WDPCP: variants seen among roughly 807,000 people sequenced by gnomAD.
The protein encoded by WDPCP is WD repeat containing planar cell polarity effector.
Under a neutral mutation model 93.1 loss-of-function variants are expected in WDPCP, and 71 were observed. That is an observed-to-expected ratio of 0.76 (90% CI 0.63 to 0.93). The LOEUF (loss-of-function observed/expected upper bound fraction) is 0.93. WDPCP is among the 40% of genes least tolerant of loss of function. WDPCP has a pLI of 0.00. For missense variants in WDPCP, 844 were observed against 887.4 expected, an observed-to-expected ratio of 0.95 and a Z score of 0.62; for synonymous variants, 315 against 315.0, an observed-to-expected ratio of 1.00 and a Z score of 0.00.
At chr2:63,666,562 G>C (rs1710285785) in intron 2 of WDPCP, among the ~76,000 whole-genome samples, 1 of 152,172 alleles carries the variant, frequency 6.6e-6, no homozygotes, top group South Asian at 2.1e-4. Flanking sequence ...CTGCAGAACT[G>C]AATTTTGTGC....
At chr2:63,586,949 T>C (rs1267124820) in intron 1 of WDPCP, among the ~76,000 whole-genome samples, 8 of 152,272 alleles carry the variant, frequency 5.3e-5, no homozygotes, top group Non-Finnish European at 8.8e-5. Context: ...TATGTACGTA[T>C]ACATGCCATG....
chr2:63,404,003 T>C (rs1558582362), intron 10 of WDPCP, 45 bp downstream of exon 10: 3 of 1,611,796 alleles, frequency 1.9e-6, no homozygotes, highest in Middle Eastern at 1.8e-4. Flanking sequence ...TATGTCACTA[T>C]CCTAAACATT....
At chr2:63,198,465 T>C (rs183734364) in intron 14 of WDPCP, among the ~76,000 whole-genome samples, 12 of 152,308 alleles carry the variant, frequency 7.9e-5, no homozygotes, top group Admixed American at 1.3e-4. Context: ...TATTTTTATA[T>C]GCATAATGTT....
chr2:63,681,146 C>T (rs1174643070), intron 2 of WDPCP, among the ~76,000 whole-genome samples: 1 of 152,090 alleles, frequency 6.6e-6, no homozygotes. Flanking sequence ...GCTCCTTCTG[C>T]TTGAGAAAAG....
chr2:63,664,612 A>G (rs1710263620), intron 2 of WDPCP, among the ~76,000 whole-genome samples: 1 of 152,198 alleles, frequency 6.6e-6, no homozygotes, highest in African/African-American at 2.4e-5. Context: ...CGTCTATTAC[A>G]GGAGGCAGAA....
chr2:63,153,723 C>T, intron 15 of WDPCP, 149 bp from the exon 16 acceptor site: 1 of 518,914 alleles, frequency 1.9e-6, no homozygotes, highest in Non-Finnish European at 3.3e-6. Context: ...AAACTTTCAA[C>T]AATATAGTAA....
intron 15 of WDPCP, among the ~76,000 whole-genome samples, chr2:63,155,906 A>G (rs1672210903): frequency 6.6e-6 from 1 of 152,226 alleles, no homozygotes; most frequent in South Asian, 2.1e-4. Flanking sequence ...TCAGAATTTT[A>G]TCAAATCTTT....
chr2:63,674,417 G>A (rs1363595127), intron 2 of WDPCP, among the ~76,000 whole-genome samples: 2 of 152,112 alleles, frequency 1.3e-5, no homozygotes, highest in Admixed American at 1.3e-4. Flanking sequence ...AAAGCTAGAG[G>A]ACATTATGCT....
intron 3 of WDPCP, among the ~76,000 whole-genome samples, chr2:63,648,701 T>C (rs1210341286): frequency 6.6e-6 from 1 of 152,202 alleles, no homozygotes; most frequent in East Asian, 1.9e-4. Flanking sequence ...CACGAATAAG[T>C]AGTTAATCTC....
chr2:63,212,446 T>C (rs527670523), intron 14 of WDPCP, among the ~76,000 whole-genome samples: 12 of 152,252 alleles, frequency 7.9e-5, no homozygotes, highest in African/African-American at 2.4e-4. Context: ...CAGGCCTGCC[T>C]TACAAGAGCT....
chr2:63,686,361 T>C (rs978875294), intron 2 of WDPCP, among the ~76,000 whole-genome samples: 2 of 152,024 alleles, frequency 1.3e-5, no homozygotes, highest in African/African-American at 4.8e-5. Flanking sequence ...ACAAATAAAA[T>C]ACCTACAAAT....
At chr2:63,807,099 A>G (rs1670778006) in intron 2 of WDPCP, among the ~76,000 whole-genome samples, 1 of 152,096 alleles carries the variant, frequency 6.6e-6, no homozygotes, top group African/African-American at 2.4e-5. Context: ...AAAGACAGGC[A>G]TAAGAAATTA....
At chr2:63,252,922 T>C (rs1680853551) in intron 14 of WDPCP, among the ~76,000 whole-genome samples, 1 of 152,088 alleles carries the variant, frequency 6.6e-6, no homozygotes, top group East Asian at 1.9e-4. Context: ...ATTCTAAAAT[T>C]CATATGGAAC....
chr2:63,541,784 T>C (rs911830433), intron 1 of WDPCP, among the ~76,000 whole-genome samples: 1 of 152,150 alleles, frequency 6.6e-6, no homozygotes, highest in Non-Finnish European at 1.5e-5. Context: ...CAAATCTCTT[T>C]GGGCTACATT....
At chr2:63,828,782 G>T, upstream of WDPCP, among the ~76,000 whole-genome samples, 1 of 152,018 alleles carries the variant, frequency 6.6e-6, no homozygotes, top group African/African-American at 2.4e-5. Flanking sequence ...CCATTGCCTG[G>T]ATTCTAATGT....
At chr2:63,642,692 T>C (rs1441658553) in intron 3 of WDPCP, 1 of 152,058 alleles carries the variant, frequency 6.6e-6, no homozygotes, top group African/African-American at 2.4e-5. Flanking sequence ...CTTGTAACAG[T>C]TTTTGTGTGC....
intron 2 of WDPCP, among the ~76,000 whole-genome samples, chr2:63,740,180 G>C (rs1227563372): frequency 6.6e-6 from 1 of 152,026 alleles, no homozygotes; most frequent in African/African-American, 2.4e-5. Context: ...ACATATATGT[G>C]TACTTCTATT....
At chr2:63,406,887 A>G (rs1248465630) in intron 9 of WDPCP, among the ~76,000 whole-genome samples, 2 of 152,098 alleles carry the variant, frequency 1.3e-5, no homozygotes. Context: ...AGAAAGGTGG[A>G]AGGATGTCAG....
intron 1 of WDPCP, among the ~76,000 whole-genome samples, chr2:63,502,849 C>T (rs1260403503): frequency 6.6e-6 from 1 of 151,664 alleles, no homozygotes; most frequent in Non-Finnish European, 1.5e-5. Flanking sequence ...GTGCAAAGTG[C>T]CAAAGAGATT....
Sources: gnomAD v4.1 joint callset for allele counts (sites outside exome capture counted in the v4.1 genomes callset) on GRCh38, gnomAD v4.1.1 for gene constraint, MANE v1.5 for transcripts, NCBI Gene and HGNC (gene_info 2026-07-23, HGNC 2026-07-21) for gene names.